AKNA: variants seen among roughly 807,000 people sequenced by gnomAD.
AKNA encodes the protein AT-hook transcription factor, also known as microtubule organization protein AKNA.
A neutral mutation model predicts 138.8 loss-of-function variants in AKNA; 67 were observed. That is an observed-to-expected ratio of 0.48 (90% CI 0.40 to 0.59). The LOEUF (loss-of-function observed/expected upper bound fraction) is 0.59. AKNA is among the 20% of genes least tolerant of loss of function. The pLI, the probability that AKNA is intolerant of heterozygous loss-of-function variation, is 0.00. For missense variants in AKNA, 1,813 were observed against 1,880.4 expected (o/e 0.96, Z 0.66); for synonymous variants, 737 against 754.4 (o/e 0.98, Z 0.38).
chr9:114,371,268 G>A (rs1317175651), intron 4 of AKNA, among the ~76,000 whole-genome samples: 1 of 152,214 alleles, frequency 6.6e-6, no homozygotes, highest in Non-Finnish European at 1.5e-5. Flanking sequence ...TCACTCGTGG[G>A]CTTCAGAGCT....
At chr9:114,344,285 A>G (rs1275430727) in intron 18 of AKNA, 2 of 165,130 alleles carry the variant, frequency 1.2e-5, no homozygotes, top group Admixed American at 5.7e-5. Context: ...CGGCTGTAAC[A>G]TGGGGATAAA....
chr9:114,362,330 G>C, intron 8 of AKNA, 76 bp downstream of exon 8: 1 of 1,490,488 alleles, frequency 6.7e-7, no homozygotes, highest in Non-Finnish European at 8.9e-7. Context: ...AGGACAAAGT[G>C]CCTCCCTCCT....
At chr9:114,330,822 C>T (rs750999849), downstream of AKNA, 1 of 1,613,990 alleles carries the variant, frequency 6.2e-7, no homozygotes, top group South Asian at 1.1e-5. Context: ...ACTCCAGTTA[C>T]CTGAATGTCC....
upstream of AKNA, among the ~76,000 whole-genome samples, chr9:114,390,497 A>G (rs1332654411): frequency 6.6e-6 from 1 of 152,190 alleles, no homozygotes; most frequent in East Asian, 1.9e-4. Flanking sequence ...AAATTTCACC[A>G]GAATCTGTCC....
intron 1 of AKNA, among the ~76,000 whole-genome samples, chr9:114,383,633 T>A (rs554740372): frequency 1.3e-5 from 2 of 152,330 alleles, no homozygotes; most frequent in East Asian, 3.9e-4. Flanking sequence ...CTGCATGCTG[T>A]GTTGAAGGCA....
chr9:114,355,985 C>T lies in AKNA; in HGVS notation c.2998G>A (p.Gly1000Arg). Residue 1000 changes from glycine to arginine, a missense_variant, in exon 14 of 22, where the codon GGG (glycine) becomes AGG (arginine). Transcript: ENST00000374088. The stretch of plus-strand genomic sequence containing the variant: ...TTGGGTGCCCTCTGCCGGAGAGGCC[C>T]ACTTGGGCTGGAGAGGTACCTCTGT... ...QAQRYLSSPS[G>R]PLRQRAPNFS... The T allele has an allele frequency of 6.2e-7, 1 of 1,614,200 alleles. No individual in the cohort carries two copies. The highest frequency in any genetic ancestry group is 8.5e-7 in the Non-Finnish European group (1 of 1,180,040).
intron 11 of AKNA, 157 bp from the exon 12 acceptor site, chr9:114,358,324 T>C (rs914322924): frequency 1.0e-5 from 10 of 979,280 alleles, no homozygotes; most frequent in Non-Finnish European, 1.3e-5. Context: ...CTGTGTGACC[T>C]AGGGCAAGGC....
chr9:114,340,949 G>C, intron 21 of AKNA, among the ~76,000 whole-genome samples: 1 of 152,208 alleles, frequency 6.6e-6, no homozygotes, highest in East Asian at 1.9e-4. Context: ...ACAGAGACAG[G>C]ACTTTGGAGG....
upstream of AKNA, chr9:114,396,578 C>G (rs1477900542): frequency 1.3e-5 from 2 of 151,968 alleles, no homozygotes; most frequent in African/African-American, 4.8e-5. Context: ...ACTCAGGAGG[C>G]TGAGGCAGGA....
intron 1 of AKNA, chr9:114,383,200 G>T (rs1833812778): frequency 2.2e-6 from 1 of 456,034 alleles, no homozygotes; most frequent in Non-Finnish European, 4.4e-6. Flanking sequence ...GCCACACGGG[G>T]GACCCGTCAG....
Position 114,350,928 on chromosome 9 carries a change from G to A in AKNA, c.3152C>T (p.Ala1051Val). ...TISPPPAPAP[A>V]AAPLPCGPTE... ...TGGTCCACAGGGTAGAGGCGCAGCG[G>A]CAGGGGCGGGGGCTGGGGGTGGGCT... The change falls in exon 15 of 22, where the codon GCC (alanine) becomes GTC (valine). Residue 1051 changes from alanine to valine, a missense_variant. Transcript: ENST00000374088. 6.2e-7 allele frequency: 1 copy of A among 1,611,258 alleles called. No individual in the cohort carries two copies. The highest frequency in any genetic ancestry group is 1.1e-5 in the South Asian group (1 of 90,730).
intron 1 of AKNA, among the ~76,000 whole-genome samples, chr9:114,382,917 A>T: frequency 6.6e-6 from 1 of 152,166 alleles, no homozygotes; most frequent in East Asian, 1.9e-4. Context: ...TGGCAGTTAC[A>T]CAACACTGTG....
In AKNA at chr9:114,362,412, G is replaced by A. The variant is rs772523113; in HGVS notation, c.1910C>T (p.Pro637Leu). 6.2e-7 allele frequency: 1 copy of A among 1,611,246 alleles called. No homozygotes were observed. Among genetic ancestry groups the A allele is most frequent in the Non-Finnish European group, 8.5e-7 (1 of 1,178,720 alleles). The stretch of plus-strand genomic sequence containing the variant: ...CTTCCACCCCAGCAGGTACCTGCGA[G>A]GATCAAATCTTCCAGGCGTCCCCTT... ...GSKGTPGRFD[P>L]RRELEAEIYR... The change falls in exon 8 of 22, where the codon CCT becomes CTT. Residue 637 changes from proline to leucine, a missense_variant. Pro to Leu is a moderately conservative substitution (Grantham distance 98). Coordinates refer to ENST00000374088, the MANE Select transcript of AKNA (RefSeq NM_001317950.2).
intron 11 of AKNA, chr9:114,359,324 C>T (rs2131906708): frequency 5.0e-6 from 3 of 604,590 alleles, no homozygotes; most frequent in Non-Finnish European, 5.4e-6. Flanking sequence ...CTGCCTTGGC[C>T]TCCCTCAATG....
rs747783712 is a variant in AKNA at position 114,346,695 on chromosome 9, G to A, written c.3488C>T (p.Pro1163Leu). The change falls in exon 17 of 22, where the codon CCT becomes CTT. Residue 1163 changes from proline to leucine, a missense_variant. Physicochemically the swap from Pro to Leu is moderately conservative, Grantham distance 98. Coordinates refer to ENST00000374088, the MANE Select transcript of AKNA (RefSeq NM_001317950.2). ...GRQRARSSSV[P>L]REVLRLSLSS... The stretch of plus-strand genomic sequence containing the variant: ...CAGGGACAGTCGGAGCACCTCCCGA[G>A]GCACTGAGGAAGACCTGGCTCGCTG... 14 of 1,612,008 alleles carry A rather than the reference G, an allele frequency of 8.7e-6. No homozygotes were observed. The highest frequency in any genetic ancestry group is 2.2e-5 in the South Asian group (2 of 90,730).
At position 114,364,180 on chromosome 9, in the gene AKNA, G is replaced by GA. The variant is rs546604997; in HGVS notation, c.1788+379dup. Among the ~76,000 whole-genome samples the GA allele has an allele frequency of 4.1e-4, 63 of 152,084 alleles. No individual in the cohort carries two copies. In the South Asian group the frequency reaches 0.013, roughly 31 times the overall value. On this transcript the variant is annotated intron_variant, in intron 7 of 21. Coordinates refer to ENST00000374088, the MANE Select transcript of AKNA (RefSeq NM_001317950.2). ...TGATTATGACCCTGGATTTGAAAGA[G>GA]AGACAGACCTGGCTCCAGGTTCTCC...
chr9:114,338,777 T>C (rs1830153256), intron 21 of AKNA, among the ~76,000 whole-genome samples: 1 of 152,116 alleles, frequency 6.6e-6, no homozygotes, highest in African/African-American at 2.4e-5. Flanking sequence ...TGATGGAAAA[T>C]TCAGGTAAAA....
intron 1 of AKNA, among the ~76,000 whole-genome samples, chr9:114,384,001 C>T (rs1246043938): frequency 6.6e-5 from 10 of 152,230 alleles, no homozygotes; most frequent in Admixed American, 6.5e-4. Context: ...GTCCCTACCA[C>T]ATGTGAAGAG....
At chr9:114,365,741 A>C (rs1832299845) in intron 6 of AKNA, among the ~76,000 whole-genome samples, 2 of 152,206 alleles carry the variant, frequency 1.3e-5, no homozygotes, top group South Asian at 4.1e-4. Context: ...ATAGGGAGAC[A>C]CTTTATATTT....
Sources: gnomAD v4.1 joint callset for allele counts (sites outside exome capture counted in the v4.1 genomes callset) on GRCh38, gnomAD v4.1.1 for gene constraint, MANE v1.5 for transcripts, NCBI Gene and HGNC (gene_info 2026-07-23, HGNC 2026-07-21) for gene names.